Variants in CNTN4 observed in about 807,000 individuals in gnomAD.
CNTN4 encodes the protein contactin-4.
In CNTN4, 77 loss-of-function variants were observed where a neutral mutation model predicts 122.5. The observed-to-expected ratio is 0.63, with a 90% confidence interval of 0.52 to 0.76. The LOEUF (loss-of-function observed/expected upper bound fraction) is 0.76. Ranked by LOEUF, CNTN4 falls within the 30% of genes least tolerant of loss-of-function variation. The probability of loss-of-function intolerance (pLI) is 0.00; values close to 1 mark genes in which losing one functional copy is unlikely to be tolerated. For synonymous variants in CNTN4, 512 were observed against 447.0 expected (o/e 1.15, Z -1.83); for missense variants, 1,256 against 1,259.1 (o/e 1.00, Z 0.04).
chr3:2,516,310 C>T (rs1273477718), intron 3 of CNTN4, among the ~76,000 whole-genome samples: 2 of 151,924 alleles, frequency 1.3e-5, no homozygotes, highest in South Asian at 2.1e-4. Context: ...TTTGTTTTAT[C>T]GTCGTGCATC....
intron 17 of CNTN4, among the ~76,000 whole-genome samples, chr3:3,035,680 T>C (rs1699539297): frequency 1.3e-5 from 2 of 152,124 alleles, no homozygotes; most frequent in Admixed American, 6.6e-5. Flanking sequence ...CCTCAGCCTG[T>C]TGAGTAGCTG....
At chr3:2,997,753 G>A (rs1369980583) in intron 14 of CNTN4, among the ~76,000 whole-genome samples, 2 of 152,176 alleles carry the variant, frequency 1.3e-5, no homozygotes, top group East Asian at 3.8e-4. Context: ...ATCCATTTGA[G>A]GAGGTGAAAG....
rs377017401 is a variant in CNTN4, at chr3:2,269,798, A to C, written c.-144-69380A>C. On this transcript the variant is annotated intron_variant, in intron 2 of 24. Coordinates refer to ENST00000418658, the MANE Select transcript of CNTN4 (RefSeq NM_175607.3). ...AAAAAACGATGAAATGAAACTCAGT[A>C]GTTCATTGACTTTTGTAGATGGAAA... Among the ~76,000 whole-genome samples, 3 of 152,298 alleles carry C rather than the reference A, an allele frequency of 2.0e-5. No homozygotes were observed. In the East Asian group the frequency reaches 5.8e-4, roughly 29 times the overall value.
At chr3:2,425,145 C>G (rs1386059704) in intron 3 of CNTN4, among the ~76,000 whole-genome samples, 1 of 152,170 alleles carries the variant, frequency 6.6e-6, no homozygotes, top group Non-Finnish European at 1.5e-5. Flanking sequence ...AGTGCTTGCC[C>G]ATTCCTATGT....
intron 7 of CNTN4, among the ~76,000 whole-genome samples, chr3:2,826,248 T>C (rs1165979239): frequency 1.3e-5 from 2 of 152,188 alleles, no homozygotes; most frequent in African/African-American, 2.4e-5. Flanking sequence ...AGTTTCTTGA[T>C]GGCAGGGGAT....
At chr3:2,640,837 A>G (rs1030994471) in intron 4 of CNTN4, among the ~76,000 whole-genome samples, 13 of 152,328 alleles carry the variant, frequency 8.5e-5, no homozygotes, top group African/African-American at 3.1e-4. Flanking sequence ...CAATGCAGCT[A>G]TTCCTAGGAT....
At chr3:2,696,047 A>G (rs142228973) in intron 4 of CNTN4, among the ~76,000 whole-genome samples, 71 of 152,328 alleles carry the variant, frequency 4.7e-4, no homozygotes, top group African/African-American at 1.5e-3. Flanking sequence ...ATGTGTGTCT[A>G]TCTCTGTAAG....
chr3:2,282,297 C>T (rs149157573), intron 2 of CNTN4, among the ~76,000 whole-genome samples: 4 of 152,020 alleles, frequency 2.6e-5, no homozygotes, highest in Admixed American at 2.0e-4. Context: ...TTTGATTGGT[C>T]GTAGTTCCAT....
intron 2 of CNTN4, among the ~76,000 whole-genome samples, chr3:2,196,832 G>A (rs1321735167): frequency 6.6e-6 from 1 of 151,952 alleles, no homozygotes; most frequent in Non-Finnish European, 1.5e-5. Context: ...ATCTTATGAG[G>A]TCGGAAGTTC....
intron 4 of CNTN4, among the ~76,000 whole-genome samples, chr3:2,618,972 A>C (rs2149903541): frequency 6.6e-6 from 1 of 152,264 alleles, no homozygotes; most frequent in African/African-American, 2.4e-5. Flanking sequence ...GGCTCACCAA[A>C]CCAGTTATCT....
intron 2 of CNTN4, among the ~76,000 whole-genome samples, chr3:2,137,382 T>A (rs2034745632): frequency 6.6e-6 from 1 of 152,072 alleles, no homozygotes; most frequent in Admixed American, 6.5e-5. Flanking sequence ...AAAAAGGGAA[T>A]GTGTGAAGGG....
chr3:2,571,598 A>G (rs1221457629), intron 4 of CNTN4, 40 bp downstream of exon 4: 16 of 1,411,712 alleles, frequency 1.1e-5, no homozygotes, highest in Non-Finnish European at 1.5e-5. Flanking sequence ...TAGAAATGCC[A>G]CTGTATTTCA....
intron 2 of CNTN4, among the ~76,000 whole-genome samples, chr3:2,123,329 C>G (rs1200601128): frequency 3.3e-5 from 5 of 152,220 alleles, no homozygotes; most frequent in Non-Finnish European, 7.3e-5. Context: ...AGCTATCTCC[C>G]TCTGCCTGCT....
chr3:2,469,237 T>C (rs2075605588), intron 3 of CNTN4, among the ~76,000 whole-genome samples: 1 of 152,232 alleles, frequency 6.6e-6, no homozygotes, highest in African/African-American at 2.4e-5. Flanking sequence ...ACATAACCAT[T>C]TACTTAATTC....
chr3:2,716,838 T>C (rs1412053481), intron 4 of CNTN4, among the ~76,000 whole-genome samples: 3 of 152,192 alleles, frequency 2.0e-5, no homozygotes, highest in Non-Finnish European at 4.4e-5. Flanking sequence ...GTCTATGTAT[T>C]TGCCTATTCT....
chr3:2,847,235 T>C (rs1577038987), intron 7 of CNTN4, among the ~76,000 whole-genome samples: 1 of 151,458 alleles, frequency 6.6e-6, no homozygotes, highest in Admixed American at 6.6e-5. Flanking sequence ...CCCATCCCCT[T>C]AGAGGTCAGT....
chr3:2,980,455 A>C (rs1693852622), intron 13 of CNTN4, among the ~76,000 whole-genome samples: 1 of 152,198 alleles, frequency 6.6e-6, no homozygotes, highest in Non-Finnish European at 1.5e-5. Context: ...TATTAGGAGG[A>C]GCTCAAAGTT....
Position 2,344,910 on chromosome 3 carries a change from G to C in CNTN4, c.-89+5677G>C, listed in dbSNP as rs572605796. 3.9e-5 allele frequency among the ~76,000 whole-genome samples: 6 copies of C among 152,284 alleles called. No homozygotes were observed. In the South Asian group the frequency reaches 1.2e-3, roughly 32 times the overall value. On this transcript the variant is annotated intron_variant, in intron 3 of 24. Coordinates refer to ENST00000418658, the MANE Select transcript of CNTN4 (RefSeq NM_175607.3). ...TTTTCTCTTCCTGGCATCTTAGCCA[G>C]AAAGAAAAGAATGCCTAGAATTTCT...
chr3:2,539,765 C>T (rs911714814), intron 3 of CNTN4, among the ~76,000 whole-genome samples: 3 of 152,064 alleles, frequency 2.0e-5, no homozygotes, highest in Non-Finnish European at 4.4e-5. Flanking sequence ...TGAACATCTA[C>T]GTACTTCAAA....
Sources: allele counts gnomAD v4.1 joint callset (sites outside exome capture counted in the v4.1 genomes callset), GRCh38; gene constraint gnomAD v4.1.1; transcripts MANE v1.5; gene names NCBI Gene and HGNC (gene_info 2026-07-23, HGNC 2026-07-21).